Variants in ADCY2 observed in about 807,000 individuals in gnomAD.
ADCY2 encodes the protein adenylate cyclase type 2.
In ADCY2, 31 loss-of-function variants were observed where a neutral mutation model predicts 125.2. The ratio of observed to expected loss-of-function variants is 0.25; its 90% CI spans 0.19 to 0.33. The LOEUF (loss-of-function observed/expected upper bound fraction) is 0.33. Among genes scored for constraint, ADCY2 ranks in the 10% least tolerant of loss-of-function variants. ADCY2 has a pLI of 1.00. For synonymous variants in ADCY2, 512 were observed against 548.4 expected (o/e 0.93, Z 0.93); for missense variants, 904 against 1,418.2 (o/e 0.64, Z 5.82).
Position 7,628,822 on chromosome 5 carries a change from TAA to T in ADCY2, c.720+2520_720+2521del, listed in dbSNP as rs1157731029. Among the ~76,000 whole-genome samples the T allele has an allele frequency of 3.4e-3, 470 of 139,996 alleles. 1 individual carries two copies. Among genetic ancestry groups the T allele is most frequent in the Admixed American group, 6.2e-3 (88 of 14,114 alleles). 91.8% of individuals were successfully genotyped at this position (139,996 alleles called of 152,430 possible). On this transcript the variant is annotated intron_variant, in intron 4 of 24. Transcript: ENST00000338316. Reference sequence around the variant, plus strand: ...ATGGGAAGAAGAGATTATCTTGGTTTAAAAAAAAAAAAAAACCATCAGTAAGA... The same window carrying T: ...ATGGGAAGAAGAGATTATCTTGGTTTAAAAAAAAAAAAACCATCAGTAAGA...
chr5:7,668,081 G>T (rs760322563), intron 4 of ADCY2, among the ~76,000 whole-genome samples: 14 of 152,342 alleles, frequency 9.2e-5, no homozygotes, highest in Non-Finnish European at 1.3e-4. Context: ...TACAAAGTAT[G>T]TGCTTCATTA....
intron 4 of ADCY2, among the ~76,000 whole-genome samples, chr5:7,648,528 C>G (rs1232738976): frequency 1.3e-5 from 2 of 152,134 alleles, no homozygotes; most frequent in African/African-American, 4.8e-5. Flanking sequence ...TAAGCACTCA[C>G]TGCAACAAAT....
At chr5:7,493,516 A>T (rs1045158091) in intron 2 of ADCY2, among the ~76,000 whole-genome samples, 1 of 152,094 alleles carries the variant, frequency 6.6e-6, no homozygotes, top group African/African-American at 2.4e-5. Context: ...AGGAATAAAT[A>T]ATTGCTGGAA....
intron 2 of ADCY2, among the ~76,000 whole-genome samples, chr5:7,492,933 A>G (rs938380921): frequency 2.6e-5 from 4 of 152,040 alleles, no homozygotes; most frequent in African/African-American, 9.7e-5. Context: ...AGGAAAAAGG[A>G]CATAGTGAGG....
At chr5:7,500,465 G>A (rs1242385143) in intron 2 of ADCY2, among the ~76,000 whole-genome samples, 1 of 152,136 alleles carries the variant, frequency 6.6e-6, no homozygotes, top group African/African-American at 2.4e-5. Context: ...ATTAACCAAG[G>A]TCAACACCAA....
intron 2 of ADCY2, among the ~76,000 whole-genome samples, chr5:7,476,938 A>G (rs1561046637): frequency 6.6e-6 from 1 of 152,222 alleles, no homozygotes; most frequent in Non-Finnish European, 1.5e-5. Context: ...TTGGAGGAGC[A>G]GAAAAAGAAA....
In ADCY2 at chr5:7,695,806, G is replaced by A. The variant is rs192786032; in HGVS notation, c.924G>A (p.Pro308=). The change falls in exon 6 of 25, where the codon CCG becomes CCA. Residue 308 remains proline, a synonymous_variant. Coordinates refer to ENST00000338316, the MANE Select transcript of ADCY2 (RefSeq NM_020546.3). ...GFTRLASDCS[P]GELVHMLNEL... ...CCCGGCTGGCAAGTGACTGCTCCCC[G>A]GGAGAACTAGTCCACATGCTGAATG... 4.3e-5 allele frequency: 70 copies of A among 1,612,808 alleles called. No homozygotes were observed. The highest frequency in any genetic ancestry group is 6.6e-5 in the South Asian group (6 of 90,948).
chr5:7,818,358 T>TC (rs1346759492), intron 23 of ADCY2, among the ~76,000 whole-genome samples: 2 of 150,428 alleles, frequency 1.3e-5, no homozygotes, highest in Non-Finnish European at 1.5e-5. Flanking sequence ...TTTTTCTTTT[T>TC]TTTTTTTTTC....
chr5:7,789,865 T>A lies in ADCY2; in HGVS notation c.2628+65T>A, dbSNP rs1744199927. ...ATGCCATGATGACCTGGGTGAGGGC[T>A]GAAAGCTTCTTCAGTGACATAAAGG... is the stretch of plus-strand genomic sequence containing the variant. On this transcript the variant is annotated intron_variant, in intron 20 of 24. Transcript: ENST00000338316. The A allele has an allele frequency of 3.3e-5, 43 of 1,314,892 alleles. No individual in the cohort carries two copies. In the South Asian group the frequency reaches 5.9e-4, roughly 18 times the overall value. The allele number at this position is 1,314,892 out of a possible 1,614,324, so 81.5% of individuals were successfully genotyped here.
chr5:7,398,925 G>A (rs531229424), intron 1 of ADCY2, among the ~76,000 whole-genome samples: 1 of 152,338 alleles, frequency 6.6e-6, no homozygotes, highest in Admixed American at 6.5e-5. Context: ...GATAGTCAGC[G>A]ATGGCTGGGG....
chr5:7,494,771 G>A (rs1743287898), intron 2 of ADCY2, among the ~76,000 whole-genome samples: 1 of 152,162 alleles, frequency 6.6e-6, no homozygotes, highest in Admixed American at 6.5e-5. Flanking sequence ...ACCTACCAAG[G>A]TGTCAAGTAA....
intron 2 of ADCY2, among the ~76,000 whole-genome samples, chr5:7,416,191 T>A (rs7734697): frequency 0.066 from 10,092 of 152,246 alleles, 430 homozygotes; most frequent in African/African-American, 0.11. Context: ...TCATGTGACC[T>A]CTGCCAAGCC....
rs556202822 is a variant in ADCY2 at position 7,617,745 on chromosome 5, A to C, written c.571-8422A>C. ...CAGAACATGGTTTTGAGGAAAACAT[A>C]CACCAGGAGAGGAAGGAAGGTGGTT... On this transcript the variant is annotated intron_variant, in intron 3 of 24. Coordinates refer to ENST00000338316, the MANE Select transcript of ADCY2 (RefSeq NM_020546.3). Among the ~76,000 whole-genome samples, 4 of 152,334 alleles carry C rather than the reference A, an allele frequency of 2.6e-5. No individual in the cohort carries two copies. In the East Asian group the frequency reaches 5.8e-4, roughly 22 times the overall value.
chr5:7,414,685 T>A lies in ADCY2; in HGVS notation c.323T>A (p.Leu108His). 1 of 1,613,992 alleles carries A rather than the reference T, an allele frequency of 6.2e-7. No homozygotes were observed. Among genetic ancestry groups the A allele is most frequent in the African/African-American group, 1.3e-5 (1 of 75,030 alleles). The change falls in exon 2 of 25, where the codon CTC (leucine) becomes CAC (histidine). Residue 108 changes from leucine (L) to histidine (H), a missense_variant. Leu to His is a moderately conservative substitution (Grantham distance 99). This residue lies in a region of ADCY2 where 121 missense variants were observed against 161.5 expected (regional missense o/e 0.75). Coordinates refer to ENST00000338316, the MANE Select transcript of ADCY2 (RefSeq NM_020546.3). Reference protein sequence around the residue: ...IESVFKKLLRLFSLVIWICLV... With the variant: ...IESVFKKLLRHFSLVIWICLV... The stretch of plus-strand genomic sequence containing the variant: ...TCTGTGTTTAAGAAGCTGCTGCGCC[T>A]CTTCTCGTTGGTGATATGGATATGC...
At chr5:7,569,329 C>T (rs72709196) in intron 3 of ADCY2, among the ~76,000 whole-genome samples, 295 of 152,224 alleles carry the variant, frequency 1.9e-3, no homozygotes, top group Non-Finnish European at 3.2e-3. Flanking sequence ...GTGGGTTGAC[C>T]TGGCTGTTGG....
intron 18 of ADCY2, among the ~76,000 whole-genome samples, chr5:7,773,800 A>G (rs1743629497): frequency 6.6e-6 from 1 of 152,172 alleles, no homozygotes; most frequent in Non-Finnish European, 1.5e-5. Flanking sequence ...TACCAGGTGT[A>G]CTCACTGAGG....
At chr5:7,772,736 T>C (rs1032793551) in intron 17 of ADCY2, among the ~76,000 whole-genome samples, 196 bp from the exon 18 acceptor site, 1 of 86,394 alleles carries the variant, frequency 1.2e-5, no homozygotes. Flanking sequence ...CGGAAAGCTT[T>C]GGATGATTTT....
At chr5:7,730,374 A>G (rs926988808) in intron 14 of ADCY2, among the ~76,000 whole-genome samples, 1 of 152,220 alleles carries the variant, frequency 6.6e-6, no homozygotes, top group African/African-American at 2.4e-5. Context: ...GAAGTTATTC[A>G]TAATCTCTCT....
intron 14 of ADCY2, among the ~76,000 whole-genome samples, chr5:7,736,575 A>G (rs554692508): frequency 2.0e-5 from 3 of 152,152 alleles, no homozygotes; most frequent in African/African-American, 4.8e-5. Flanking sequence ...AATGTTAACA[A>G]CTCTTCTGGG....
Sources: allele counts gnomAD v4.1 joint callset (sites outside exome capture counted in the v4.1 genomes callset), GRCh38; gene constraint gnomAD v4.1.1; regional missense constraint gnomAD v4.1.1; transcripts MANE v1.5; gene names NCBI Gene and HGNC (gene_info 2026-07-23, HGNC 2026-07-21).